Variants in COL9A2 observed in about 807,000 individuals in gnomAD.
The protein encoded by COL9A2 is collagen type IX alpha 2 chain.
A neutral mutation model predicts 111.6 loss-of-function variants in COL9A2; 66 were observed. The ratio of observed to expected loss-of-function variants is 0.59; its 90% confidence interval spans 0.48 to 0.73. The LOEUF (loss-of-function observed/expected upper bound fraction) is 0.73, where lower values mean the gene tolerates loss of function less well. COL9A2 is among the 30% of genes least tolerant of loss of function. The pLI is 0.00. For synonymous variants in COL9A2, 353 were observed against 364.1 expected (o/e 0.97, Z 0.35); for missense variants, 881 against 954.1 (o/e 0.92, Z 1.01).
chr1:40,307,895 A>C lies in COL9A2; in HGVS notation c.901-139T>G. ...TCATCCCAGGAAGCCCCACTGGCCA[A>C]CTGGGGGAGGGGAGTTGAAGTGGGA... On this transcript the variant is annotated intron_variant, in intron 17 of 31. Transcript: ENST00000372748. This position sits in a 1 kb window ranked among gnomAD's most constrained non-coding sequence, Gnocchi z 4.8. The C allele has an allele frequency of 2.2e-6, 2 of 897,356 alleles. No homozygotes were observed. The highest frequency in any genetic ancestry group is 3.6e-6 in the Non-Finnish European group (2 of 557,420). 55.6% of individuals were successfully genotyped at this position (897,356 alleles called of 1,614,324 possible).
At position 40,306,025 on chromosome 1, in the gene COL9A2, G is replaced by C; in HGVS notation, c.1053+118C>G. On this transcript the variant is annotated intron_variant, in intron 20 of 31. Transcript: ENST00000372748. Reference sequence around the variant, plus strand: ...GAGGTGGCAGGAGGGAGGTGGTTAGGCCCAAGGGGCTTATGTTCTGGCTGA... The same window carrying C: ...GAGGTGGCAGGAGGGAGGTGGTTAGCCCCAAGGGGCTTATGTTCTGGCTGA... 3 of 1,208,866 alleles carry C rather than the reference G, an allele frequency of 2.5e-6. No individual in the cohort carries two copies. In the South Asian group the frequency reaches 3.7e-5, roughly 15 times the overall value. 74.9% of individuals were successfully genotyped at this position (1,208,866 alleles called of 1,614,324 possible).
chr1:40,310,970 C>T lies in COL9A2; in HGVS notation c.630+123G>A. 3 of 1,365,456 alleles carry T rather than the reference C, an allele frequency of 2.2e-6. No individual in the cohort carries two copies. Among genetic ancestry groups the T allele is most frequent in the South Asian group, 2.4e-5 (2 of 84,622 alleles). 84.6% of individuals were successfully genotyped at this position (1,365,456 alleles called of 1,614,324 possible). ...CCGACCTGGAGCACAGGCCTCCAGC[C>T]CCCGGCTCAAGGCTCTGTCCCCAGA... On this transcript the variant is annotated intron_variant, in intron 12 of 31. Transcript: ENST00000372748. This position sits in a 1 kb window ranked among gnomAD's most constrained non-coding sequence, Gnocchi z 4.9.
rs1644221139 is a variant in COL9A2, at chr1:40,316,496, G to T, written c.75+627C>A. Among the ~76,000 whole-genome samples, 2 of 152,238 alleles carry T rather than the reference G, an allele frequency of 1.3e-5. No individual in the cohort carries two copies. The highest frequency in any genetic ancestry group is 4.8e-5 in the African/African-American group (2 of 41,472). On this transcript the variant is annotated intron_variant, in intron 1 of 31. Coordinates refer to ENST00000372748, the MANE Select transcript of COL9A2 (RefSeq NM_001852.4). This position sits in a 1 kb window ranked among gnomAD's most constrained non-coding sequence, Gnocchi z 5.5. ...GCTGCCCATCTCTGAACAGATCAGAGATCTTAAAAGGCGGCCCTTTTAAGA... is the reference window on the plus strand; with the variant it reads ...GCTGCCCATCTCTGAACAGATCAGATATCTTAAAAGGCGGCCCTTTTAAGA...
Position 40,301,127 on chromosome 1 carries a change from G to C in COL9A2, c.*55C>G. 1 of 1,593,932 alleles carries C rather than the reference G, an allele frequency of 6.3e-7. No individual in the cohort carries two copies. Among genetic ancestry groups the C allele is most frequent in the Non-Finnish European group, 8.6e-7 (1 of 1,164,548 alleles). On this transcript the variant is annotated 3_prime_UTR_variant, in exon 32 of 32. Transcript: ENST00000372748. ...GGGGATGGGTGCATGTCCACCCAGA[G>C]GGGACCTGGTCCTTCCCGCCAGGAT...
At chr1:40,304,931 G>A (rs987725448) in intron 21 of COL9A2, 84 bp from the exon 22 acceptor site, 17 of 1,236,652 alleles carry the variant, frequency 1.4e-5, no homozygotes, top group Admixed American at 8.8e-5. Flanking sequence ...CCTACCCTGG[G>A]TCTCAGCTAA....
chr1:40,303,652 A>G lies in COL9A2; in HGVS notation c.1426T>C (p.Tyr476His). The change falls in exon 28 of 32, where the codon TAC becomes CAC. Residue 476 changes from tyrosine (Y) to histidine (H), a missense_variant. Tyr to His is a moderately conservative substitution (Grantham distance 83, BLOSUM62 2). Coordinates refer to ENST00000372748, the MANE Select transcript of COL9A2 (RefSeq NM_001852.4). The surrounding 1 kb of genome is among the most constrained non-coding windows in gnomAD (Gnocchi z 4.6). ...GQQGVRGEPG[Y>H]PGPSGDAGAP... is the part of the protein sequence containing the mutation. ...CCCGCATCCCCGCTGGGGCCAGGGT[A>G]GCCGGGTTCTCCACGTACTCCTTGC... The G allele has an allele frequency of 6.3e-7, 1 of 1,578,324 alleles. No individual in the cohort carries two copies. Among genetic ancestry groups the G allele is most frequent in the Non-Finnish European group, 8.6e-7 (1 of 1,163,076 alleles).
rs769412872 is a variant in COL9A2 at position 40,302,779 on chromosome 1, T to G, written c.1634A>C (p.Lys545Thr). ...GCCCACCGCACCCAGGGCTTCCCGC[T>G]TGGCACTCACGGCGACCTCTGCCAG... ...EQLAEVAVSA[K>T]REALGAVGMM... is the part of the protein sequence containing the mutation. The change falls in exon 30 of 32, where the codon AAG (lysine) becomes ACG (threonine). Residue 545 changes from lysine to threonine, a missense_variant. By Grantham distance (78) the Lys-to-Thr change is moderately conservative (BLOSUM62 -1). Transcript: ENST00000372748. The surrounding 1 kb of genome is among the most constrained non-coding windows in gnomAD (Gnocchi z 4.5). 3.0e-5 allele frequency: 44 copies of G among 1,484,474 alleles called. No individual in the cohort carries two copies. The highest frequency in any genetic ancestry group is 3.7e-5 in the Non-Finnish European group (41 of 1,108,216). The allele number at this position is 1,484,474 out of a possible 1,614,324, so 92.0% of individuals were successfully genotyped here.
chr1:40,301,622 C>A (rs896696018), intron 31 of COL9A2, among the ~76,000 whole-genome samples, 190 bp downstream of exon 31: 1 of 152,218 alleles, frequency 6.6e-6, no homozygotes, highest in Non-Finnish European at 1.5e-5. Context: ...CCTGGGAAGT[C>A]CTGAGAGGCC....
At position 40,304,973 on chromosome 1, in the gene COL9A2, C is replaced by T. The variant is rs542283811; in HGVS notation, c.1108-126G>A. ...TCATCAGGGAAGGTTTCCCAGACCA[C>T]CTGTTCCATGGTTTTGGGTCCCTGT... On this transcript the variant is annotated intron_variant, in intron 21 of 31. Transcript: ENST00000372748. 3,025 of 722,630 alleles carry T rather than the reference C, an allele frequency of 4.2e-3. 11 individuals carry two copies. The highest frequency in any genetic ancestry group is 0.021 in the Middle Eastern group (88 of 4,188). The allele number at this position is 722,630 out of a possible 1,614,324, so 44.8% of individuals were successfully genotyped here. A position where few individuals can be genotyped will look rare whatever the true frequency, so the allele number is the denominator to read the frequency against.
In COL9A2 at chr1:40,314,102, C is replaced by T; in HGVS notation, c.249+103G>A. Reference sequence around the variant, plus strand: ...GGGCTCACAGCTGGAGAATCTCCATCCTGCTGCCCATCTCTGAACAGATCA... The same window carrying T: ...GGGCTCACAGCTGGAGAATCTCCATTCTGCTGCCCATCTCTGAACAGATCA... On this transcript the variant is annotated intron_variant, in intron 4 of 31. Transcript: ENST00000372748. This position sits in a 1 kb window ranked among gnomAD's most constrained non-coding sequence, Gnocchi z 4.1. 6 of 1,258,084 alleles carry T rather than the reference C, an allele frequency of 4.8e-6. No homozygotes were observed. The highest frequency in any genetic ancestry group is 7.0e-6 in the Non-Finnish European group (6 of 857,500). The allele number at this position is 1,258,084 out of a possible 1,614,324, so 77.9% of individuals were successfully genotyped here.
rs919738806 is a variant in COL9A2 at position 40,311,419 on chromosome 1, C to T, written c.519+81G>A. On this transcript the variant is annotated intron_variant, in intron 10 of 31. Coordinates refer to ENST00000372748, the MANE Select transcript of COL9A2 (RefSeq NM_001852.4). The surrounding 1 kb of genome is among the most constrained non-coding windows in gnomAD (Gnocchi z 5.1). ...CAGCCCCTCCCCATCTCTCCAGACA[C>T]CCCCATCTCCGTGGCCCCGCCTCCC... 6.4e-5 allele frequency: 101 copies of T among 1,582,954 alleles called. No individual in the cohort carries two copies. The highest frequency in any genetic ancestry group is 8.1e-5 in the Non-Finnish European group (94 of 1,158,988).
In COL9A2 at chr1:40,310,886, C is replaced by T; in HGVS notation, c.631-119G>A. 1.9e-6 allele frequency: 2 copies of T among 1,058,824 alleles called. No homozygotes were observed. Among genetic ancestry groups the T allele is most frequent in the East Asian group, 2.6e-5 (1 of 38,734 alleles). 65.6% of individuals were successfully genotyped at this position (1,058,824 alleles called of 1,614,324 possible). A position where few individuals can be genotyped will look rare whatever the true frequency, so the allele number is the denominator to read the frequency against. ...CAGACGGGAGGGACTACTACGAACC[C>T]TACAGTCCTGTGTTACAGATAGAGA... On this transcript the variant is annotated intron_variant, in intron 12 of 31. Coordinates refer to ENST00000372748, the MANE Select transcript of COL9A2 (RefSeq NM_001852.4). This position sits in a 1 kb window ranked among gnomAD's most constrained non-coding sequence, Gnocchi z 4.9.
chr1:40,307,691 C>A lies in COL9A2; in HGVS notation c.954+12G>T. On this transcript the variant is annotated intron_variant, in intron 18 of 31. Coordinates refer to ENST00000372748, the MANE Select transcript of COL9A2 (RefSeq NM_001852.4). The surrounding 1 kb of genome is among the most constrained non-coding windows in gnomAD (Gnocchi z 4.8). ...GCCCCTGCCCCAGTCCCATCAGCAG[C>A]CCCACTCCTACCTTCATGCCAGGCG... is the stretch of plus-strand genomic sequence containing the variant. 6.2e-7 allele frequency: 1 copy of A among 1,614,062 alleles called. No individual in the cohort carries two copies. The highest frequency in any genetic ancestry group is 8.5e-7 in the Non-Finnish European group (1 of 1,179,946).
In COL9A2 at chr1:40,301,251, G is replaced by A. The variant is rs2229826; in HGVS notation, c.2001C>T (p.Ala667=). The change falls in exon 32 of 32, where the codon GCC becomes GCT. Residue 667 remains alanine (A), a synonymous_variant. Transcript: ENST00000372748. ...PVGLPGFCEP[A]ACLGASAYAS... ...CATAGGCCGAAGCTCCAAGGCAGGC[G>A]GCAGGTTCACAGAAGCCCGGCAGCC... 37,680 of 1,614,132 alleles carry A rather than the reference G, an allele frequency of 0.023. 545 individuals carry two copies. Among genetic ancestry groups the A allele is most frequent in the Non-Finnish European group, 0.027 (31,308 of 1,180,014 alleles).
rs765050254 is a variant in COL9A2 at position 40,301,272 on chromosome 1, C to T, written c.1980G>A (p.Leu660=). The T allele has an allele frequency of 8.1e-6, 13 of 1,613,910 alleles. No individual in the cohort carries two copies. Among genetic ancestry groups the T allele is most frequent in the Admixed American group, 3.3e-5 (2 of 60,000 alleles). The part of the protein sequence containing the change: ...GRPGLPGPVG[L]PGFCEPAACL... Reference sequence around the variant, plus strand: ...AGGCGGCAGGTTCACAGAAGCCCGGCAGCCCCACGGGGCCTGGCAGGCCAG... The same window carrying T: ...AGGCGGCAGGTTCACAGAAGCCCGGTAGCCCCACGGGGCCTGGCAGGCCAG... Residue 660 remains leucine (L), a synonymous_variant, in exon 32 of 32, where the codon CTG becomes CTA. Coordinates refer to ENST00000372748, the MANE Select transcript of COL9A2 (RefSeq NM_001852.4).
chr1:40,312,197 G>A lies in COL9A2; in HGVS notation c.364-85C>T, dbSNP rs1569753504. 6.5e-6 allele frequency: 8 copies of A among 1,225,508 alleles called. No homozygotes were observed. The highest frequency in any genetic ancestry group is 2.8e-5 in the South Asian group (2 of 72,630). 75.9% of individuals were successfully genotyped at this position (1,225,508 alleles called of 1,614,324 possible). A position where few individuals can be genotyped will look rare whatever the true frequency, so the allele number is the denominator to read the frequency against. ...AGGTAGAGACAGGCACCCAAAGCCC[G>A]TTTCTCCACTTTTACTTTTTTTTTT... On this transcript the variant is annotated intron_variant, in intron 7 of 31. Transcript: ENST00000372748. The surrounding 1 kb of genome is among the most constrained non-coding windows in gnomAD (Gnocchi z 6.0).
Position 40,303,766 on chromosome 1 carries a change from C to A in COL9A2, c.1401+41G>T. ...GGTGGGGGTCGAGGAAGGGAGTGGC[C>A]GCCCAGGAAAGTCGGAGAACGCCGG... is the stretch of plus-strand genomic sequence containing the variant. On this transcript the variant is annotated intron_variant, in intron 27 of 31. Transcript: ENST00000372748. This position sits in a 1 kb window ranked among gnomAD's most constrained non-coding sequence, Gnocchi z 4.6. 3 of 1,491,572 alleles carry A rather than the reference C, an allele frequency of 2.0e-6. No homozygotes were observed. The highest frequency in any genetic ancestry group is 2.7e-5 in the East Asian group (1 of 37,476). 92.4% of individuals were successfully genotyped at this position (1,491,572 alleles called of 1,614,324 possible).
Position 40,307,522 on chromosome 1 carries a change from G to T in COL9A2, c.955-23C>A. 2 of 1,613,926 alleles carry T rather than the reference G, an allele frequency of 1.2e-6. No individual in the cohort carries two copies. Among genetic ancestry groups the T allele is most frequent in the Admixed American group, 1.7e-5 (1 of 60,020 alleles). On this transcript the variant is annotated intron_variant, in intron 18 of 31. Coordinates refer to ENST00000372748, the MANE Select transcript of COL9A2 (RefSeq NM_001852.4). The surrounding 1 kb of genome is among the most constrained non-coding windows in gnomAD (Gnocchi z 4.8). ...GCCCTGGGATAGACAGATAACCAAA[G>T]ATACAAATTAAAGCTCCAGCCAGAG...
In COL9A2 at chr1:40,302,591, C is replaced by T; in HGVS notation, c.1792+30G>A. ...GCCTGGACAAATCCTCACTGCCTGG[C>T]CCCCATGCCCACCGCAGAGGAGCAC... On this transcript the variant is annotated intron_variant, in intron 30 of 31. Transcript: ENST00000372748. This position sits in a 1 kb window ranked among gnomAD's most constrained non-coding sequence, Gnocchi z 4.5. 1.3e-6 allele frequency: 2 copies of T among 1,575,998 alleles called. No homozygotes were observed. The highest frequency in any genetic ancestry group is 1.7e-6 in the Non-Finnish European group (2 of 1,164,266).
Sources: allele counts gnomAD v4.1 joint callset (sites outside exome capture counted in the v4.1 genomes callset), GRCh38; gene constraint gnomAD v4.1.1; non-coding constraint Gnocchi (gnomAD v3.1); transcripts MANE v1.5; gene names NCBI Gene and HGNC (gene_info 2026-07-23, HGNC 2026-07-21).